RGS7: variants seen among roughly 807,000 people sequenced by gnomAD.
The protein encoded by RGS7 is regulator of G-protein signaling 7.
In RGS7, 27 loss-of-function variants were observed where a neutral mutation model predicts 81.1. The observed-to-expected ratio is 0.33, with a 90% CI of 0.25 to 0.46. The LOEUF (loss-of-function observed/expected upper bound fraction) is 0.46, where lower values mean the gene tolerates loss of function less well. Among genes scored for constraint, RGS7 ranks in the 20% least tolerant of loss-of-function variants. The pLI is 1.00. For synonymous variants in RGS7, 208 were observed against 207.7 expected (o/e 1.00, Z -0.01); for missense variants, 396 against 607.4 (o/e 0.65, Z 3.66).
At chr1:240,963,772 T>C (rs1293814402) in intron 4 of RGS7, among the ~76,000 whole-genome samples, 1 of 152,164 alleles carries the variant, frequency 6.6e-6, no homozygotes, top group Non-Finnish European at 1.5e-5. Context: ...CATGAATCAA[T>C]GTAAGAGTGT....
chr1:241,008,528 C>A (rs535535229), intron 3 of RGS7, among the ~76,000 whole-genome samples: 3 of 152,146 alleles, frequency 2.0e-5, no homozygotes, highest in Admixed American at 2.0e-4. Flanking sequence ...TAAATCAACT[C>A]TGAGTGACTC....
chr1:241,260,874 T>A (rs114892210), intron 2 of RGS7, among the ~76,000 whole-genome samples: 3,980 of 136,376 alleles, frequency 0.029, 187 homozygotes, highest in African/African-American at 0.1. Context: ...CCTAAGACAG[T>A]TTTTTCATGG....
At chr1:241,113,980 G>A (rs1360635960) in intron 2 of RGS7, among the ~76,000 whole-genome samples, 1 of 152,090 alleles carries the variant, frequency 6.6e-6, no homozygotes, top group East Asian at 1.9e-4. Context: ...TTTACTGAAA[G>A]TTTCTTCAGG....
At chr1:241,261,775 A>T (rs79420764) in intron 2 of RGS7, among the ~76,000 whole-genome samples, 69,118 of 151,486 alleles carry the variant, frequency 0.46, 15,891 homozygotes, top group Admixed American at 0.54. Flanking sequence ...TAACCAAAAA[A>T]CCCATATATA....
At chr1:241,189,835 G>C (rs1558170824) in intron 2 of RGS7, among the ~76,000 whole-genome samples, 1 of 152,126 alleles carries the variant, frequency 6.6e-6, no homozygotes, top group Non-Finnish European at 1.5e-5. Flanking sequence ...AATTGGTCAG[G>C]CTGGGCGCGG....
At chr1:240,820,271 T>C (rs1227344747) in intron 10 of RGS7, among the ~76,000 whole-genome samples, 1 of 152,198 alleles carries the variant, frequency 6.6e-6, no homozygotes, top group East Asian at 1.9e-4. Context: ...AATAGCAAGA[T>C]CATTTATTTG....
intron 3 of RGS7, among the ~76,000 whole-genome samples, chr1:241,077,542 G>C (rs1315338913): frequency 1.3e-5 from 2 of 152,150 alleles, no homozygotes; most frequent in African/African-American, 4.8e-5. Flanking sequence ...GGAGGAAAAA[G>C]GGATCGTGGT....
rs71648619 is a variant in RGS7, at chr1:240,823,696, C to T, written c.684+3402G>A. Among the ~76,000 whole-genome samples, 347 of 152,252 alleles carry T rather than the reference C, an allele frequency of 2.3e-3. 1 individual carries two copies. The highest frequency in any genetic ancestry group is 3.9e-3 in the Non-Finnish European group (265 of 68,020). On this transcript the variant is annotated intron_variant, in intron 10 of 18. Coordinates refer to ENST00000440928, the MANE Select transcript of RGS7 (RefSeq NM_001364886.1). ...CCAGACTGCCTTTGGATTTGAACTG[C>T]CACTCTTCCCTAGGTCTCCAGCCTG... is the stretch of plus-strand genomic sequence containing the variant.
intron 4 of RGS7, among the ~76,000 whole-genome samples, chr1:240,964,118 T>C (rs1203030948): frequency 6.6e-6 from 1 of 152,198 alleles, no homozygotes; most frequent in African/African-American, 2.4e-5. Context: ...GAAGCAAGAA[T>C]GGGTGCACAC....
intron 2 of RGS7, among the ~76,000 whole-genome samples, chr1:241,220,983 A>AGAG (rs1182520768): frequency 0.074 from 6,311 of 84,742 alleles, 458 homozygotes; most frequent in Non-Finnish European, 0.11. Context: ...GGAAGGAAGG[A>AGAG]AGGAAGGAAG....
intron 3 of RGS7, among the ~76,000 whole-genome samples, chr1:241,083,463 T>C (rs972294938): frequency 9.9e-5 from 15 of 152,194 alleles, no homozygotes; most frequent in Non-Finnish European, 2.9e-5. Context: ...CATTTGACTA[T>C]GTGACATCTC....
chr1:241,136,778 A>G (rs1471639487), intron 2 of RGS7, among the ~76,000 whole-genome samples: 1 of 152,226 alleles, frequency 6.6e-6, no homozygotes, highest in Non-Finnish European at 1.5e-5. Flanking sequence ...AAAAAATTAC[A>G]AATGAGCATC....
chr1:241,275,546 C>T (rs546847859), intron 2 of RGS7, among the ~76,000 whole-genome samples: 1 of 152,152 alleles, frequency 6.6e-6, no homozygotes, highest in African/African-American at 2.4e-5. Flanking sequence ...CCCTTGAGGC[C>T]GTCCTTCTCT....
chr1:240,862,255 A>T (rs1224860880), intron 9 of RGS7, among the ~76,000 whole-genome samples: 1 of 152,144 alleles, frequency 6.6e-6, no homozygotes, highest in Non-Finnish European at 1.5e-5. Context: ...CCTAAAAGTG[A>T]CCTCATGGTT....
At chr1:241,203,451 C>T (rs1440858169) in intron 2 of RGS7, among the ~76,000 whole-genome samples, 1 of 152,066 alleles carries the variant, frequency 6.6e-6, no homozygotes, top group Non-Finnish European at 1.5e-5. Context: ...AGGATGGTCT[C>T]GATCTCCTGA....
At chr1:240,979,751 G>T (rs1483430264) in intron 4 of RGS7, among the ~76,000 whole-genome samples, 1 of 152,172 alleles carries the variant, frequency 6.6e-6, no homozygotes, top group Non-Finnish European at 1.5e-5. Context: ...TTATGGATTA[G>T]CTGAGAGTGA....
intron 4 of RGS7, among the ~76,000 whole-genome samples, chr1:240,940,198 G>T (rs1677352289): frequency 6.6e-6 from 1 of 152,112 alleles, no homozygotes; most frequent in Admixed American, 6.5e-5. Flanking sequence ...ACTGCCTTCA[G>T]CCAGATTTTC....
intron 2 of RGS7, among the ~76,000 whole-genome samples, chr1:241,341,617 A>G (rs1464567334): frequency 6.6e-6 from 1 of 151,942 alleles, no homozygotes; most frequent in Non-Finnish European, 1.5e-5. Flanking sequence ...AGAGAAAGAG[A>G]GGAAGACAAG....
Position 241,098,705 on chromosome 1 carries a change from C to T in RGS7, c.136G>A (p.Val46Ile), listed in dbSNP as rs200443168. The change falls in exon 3 of 19, where the codon GTC (valine) becomes ATC (isoleucine). Residue 46 changes from valine (V) to isoleucine (I), a missense_variant. Physicochemically the swap from Val to Ile is conservative, Grantham distance 29. Coordinates refer to ENST00000440928, the MANE Select transcript of RGS7 (RefSeq NM_001364886.1). Reference protein sequence around the residue: ...DEKNGIPIRTVKSFLSKIPSV... With the variant: ...DEKNGIPIRTIKSFLSKIPSV... ...GGTATCTTGGAAAGAAAGCTTTTGACCGTACGAATAGGAATTCCATTTTTT... is the reference window on the plus strand; with the variant it reads ...GGTATCTTGGAAAGAAAGCTTTTGATCGTACGAATAGGAATTCCATTTTTT... 2 of 1,613,624 alleles carry T rather than the reference C, an allele frequency of 1.2e-6. No individual in the cohort carries two copies. The highest frequency in any genetic ancestry group is 8.5e-7 in the Non-Finnish European group (1 of 1,179,848).
Sources: gnomAD v4.1 joint callset for allele counts (sites outside exome capture counted in the v4.1 genomes callset) on GRCh38, gnomAD v4.1.1 for gene constraint, MANE v1.5 for transcripts, NCBI Gene and HGNC (gene_info 2026-07-23, HGNC 2026-07-21) for gene names.